Variants in MAPK3 observed in about 807,000 individuals in gnomAD.
MAPK3 encodes the protein mitogen-activated protein kinase 3, also known as MAPK 1.
MAPK3 carries 30 observed loss-of-function variants against 41.8 expected under a neutral mutation model. The ratio of observed to expected loss-of-function variants is 0.72; its 90% CI spans 0.54 to 0.97. MAPK3 has a LOEUF of 0.97. Among genes scored for constraint, MAPK3 ranks in the 50% least tolerant of loss-of-function variants. The pLI, the probability that MAPK3 is intolerant of heterozygous loss-of-function variation, is 0.00. For missense variants in MAPK3, 413 were observed against 509.9 expected, an observed-to-expected ratio of 0.81 and a Z score of 1.83; for synonymous variants, 222 against 213.4, an observed-to-expected ratio of 1.04 and a Z score of -0.35.
In MAPK3 at chr16:30,116,737, C is replaced by CCAGGTAGGTCA; in HGVS notation, c.1070_1071insTGACCTACCTG (p.Lys357AsnfsTer8). 2 of 1,613,944 alleles carry CCAGGTAGGTCA rather than the reference C, an allele frequency of 1.2e-6. No homozygotes were observed. Among genetic ancestry groups the CCAGGTAGGTCA allele is most frequent in the Non-Finnish European group, 1.7e-6 (2 of 1,179,990 alleles). Reference sequence around the variant, plus strand: ...GGAAGATGAGCTCCTTCAGCCGCTCCTTAGGTAGGTCATCCAGCTCCATGG... The same window carrying CCAGGTAGGTCA: ...GGAAGATGAGCTCCTTCAGCCGCTCCCAGGTAGGTCATTAGGTAGGTCATCCAGCTCCATGG... On this transcript the variant is annotated frameshift_variant, in exon 8 of 9. Transcript: ENST00000263025. LOFTEE classifies it high-confidence loss of function.
rs762951234 is a variant in MAPK3 at position 30,116,760 on chromosome 16, T to C, written c.1048A>G (p.Met350Val). ...PVAEEPFTFA[M>V]ELDDLPKERL... ...TCCTTAGGTAGGTCATCCAGCTCCATGGCGAAGGTGAAGGGCTCCTCGGCC... is the reference window on the plus strand; with the variant it reads ...TCCTTAGGTAGGTCATCCAGCTCCACGGCGAAGGTGAAGGGCTCCTCGGCC... Residue 350 changes from methionine (M) to valine (V), a missense_variant, in exon 8 of 9, where the codon ATG becomes GTG. By Grantham distance (21) the Met-to-Val change is conservative. Coordinates refer to ENST00000263025, the MANE Select transcript of MAPK3 (RefSeq NM_002746.3). The C allele has an allele frequency of 6.2e-7, 1 of 1,613,854 alleles. No homozygotes were observed. The highest frequency in any genetic ancestry group is 8.5e-7 in the Non-Finnish European group (1 of 1,179,960).
In MAPK3 at chr16:30,117,382, C is replaced by A. The variant is rs988340935; in HGVS notation, c.776-97G>T. On this transcript the variant is annotated intron_variant, in intron 5 of 8. Transcript: ENST00000263025. ...GAACAAGACCCCCCAGCCCAGCAAC[C>A]CATGCCAATCCCTCAGTCACCTCCT... The A allele has an allele frequency of 3.2e-6, 4 of 1,235,858 alleles. No homozygotes were observed. In the African/African-American group the frequency reaches 6.0e-5, roughly 18 times the overall value. The allele number at this position is 1,235,858 out of a possible 1,614,324, so 76.6% of individuals were successfully genotyped here. A position where few individuals can be genotyped will look rare whatever the true frequency, so the allele number is the denominator to read the frequency against.
rs34799400 is a variant in MAPK3 at position 30,120,682 on chromosome 16, C to CTT, written c.353+1140_353+1141dup. Among the ~76,000 whole-genome samples, 90 of 113,152 alleles carry CTT rather than the reference C, an allele frequency of 8.0e-4. 1 individual carries two copies. The highest frequency in any genetic ancestry group is 2.4e-3 in the African/African-American group (72 of 29,794). The allele number at this position is 113,152 out of a possible 152,430, so 74.2% of individuals were successfully genotyped here. A position where few individuals can be genotyped will look rare whatever the true frequency, so the allele number is the denominator to read the frequency against. ...GTTTTCTGAGCCTTAGCTTCCTCAT[C>CTT]TTTTTTTTTTTTTTTTTTTTTGACA... On this transcript the variant is annotated intron_variant, in intron 2 of 8. Transcript: ENST00000263025.
chr16:30,122,881 A>G, intron 1 of MAPK3, 159 bp downstream of exon 1: 1 of 518,540 alleles, frequency 1.9e-6, no homozygotes, highest in Non-Finnish European at 3.1e-6. Flanking sequence ...GAAAGCACTC[A>G]GGGGCCCCCT....
At position 30,117,181 on chromosome 16, in the gene MAPK3, TG is replaced by T; in HGVS notation, c.879del (p.Lys294SerfsTer18). On this transcript the variant is annotated frameshift_variant, in exon 6 of 9. Transcript: ENST00000263025. LOFTEE classifies it high-confidence loss of function. ...TTGGAGTCTGACTTGGGGAAAAGCT[TG>T]GCCCAAGCCACCTTGGTCTTGGAGG... ...SLPSKTKVAW[A>X]KLFPKSDSKA... The T allele has an allele frequency of 6.2e-7, 1 of 1,614,112 alleles. No individual in the cohort carries two copies. The highest frequency in any genetic ancestry group is 2.2e-5 in the East Asian group (1 of 44,884).
At chr16:30,116,864 C>T (rs572784198) in intron 7 of MAPK3, 30 bp downstream of exon 7, 1 of 1,613,554 alleles carries the variant, frequency 6.2e-7, no homozygotes, top group South Asian at 1.1e-5. Flanking sequence ...CCCCTGCCCC[C>T]AGCCCCACTG....
intron 2 of MAPK3, among the ~76,000 whole-genome samples, chr16:30,121,450 A>C (rs2073014152): frequency 1.3e-5 from 2 of 152,188 alleles, no homozygotes; most frequent in Non-Finnish European, 2.9e-5. Context: ...GGTCTGGGCA[A>C]GGAGGAAAGA....
chr16:30,118,161 A>T lies in MAPK3; in HGVS notation c.546T>A (p.Ile182=). ...CAATCCGGGCCAGGCCGAAATCACA[A>T]ATCTGGAATCAGACCTAGCTGCTAA... The part of the protein sequence containing the change: ...LLINTTCDLK[I]CDFGLARIAD... The change falls in exon 4 of 9, where the codon ATT becomes ATA. Residue 182 remains isoleucine (I), a splice_region_variant and synonymous_variant. Coordinates refer to ENST00000263025, the MANE Select transcript of MAPK3 (RefSeq NM_002746.3). 6.2e-7 allele frequency: 1 copy of T among 1,613,734 alleles called. No individual in the cohort carries two copies. The highest frequency in any genetic ancestry group is 8.5e-7 in the Non-Finnish European group (1 of 1,179,846).
chr16:30,117,979 C>A, intron 4 of MAPK3, 68 bp downstream of exon 4: 2 of 1,428,922 alleles, frequency 1.4e-6, no homozygotes, highest in Non-Finnish European at 9.9e-7. Flanking sequence ...CAGTGTCTGG[C>A]TCAGAGGTAG....
At position 30,118,113 on chromosome 16, in the gene MAPK3, G is replaced by A. The variant is rs542338052; in HGVS notation, c.594C>T (p.Thr198=). ...ARIADPEHDH[T]GFLTEYVATR... is the part of the protein sequence containing the mutation. The stretch of plus-strand genomic sequence containing the variant: ...TAGCCACATACTCCGTCAGGAAGCC[G>A]GTGTGGTCATGCTCAGGATCGGCAA... The change falls in exon 4 of 9, where the codon ACC becomes ACT. Residue 198 remains threonine, a synonymous_variant. Transcript: ENST00000263025. 2.7e-5 allele frequency: 44 copies of A among 1,614,134 alleles called. No individual in the cohort carries two copies. The highest frequency in any genetic ancestry group is 9.9e-5 in the South Asian group (9 of 91,086).
chr16:30,121,448 C>A (rs959900647), intron 2 of MAPK3, among the ~76,000 whole-genome samples: 3 of 152,170 alleles, frequency 2.0e-5, no homozygotes, highest in African/African-American at 7.2e-5. Flanking sequence ...CCGGTCTGGG[C>A]AAGGAGGAAA....
chr16:30,117,095 T>A (rs1348581650), intron 6 of MAPK3, 59 bp downstream of exon 6: 1 of 1,606,886 alleles, frequency 6.2e-7, no homozygotes, highest in African/African-American at 1.3e-5. Flanking sequence ...GCTGCTGGGC[T>A]CACACACCCT....
chr16:30,120,925 C>T (rs1196916056), intron 2 of MAPK3, among the ~76,000 whole-genome samples: 1 of 151,850 alleles, frequency 6.6e-6, no homozygotes, highest in African/African-American at 2.4e-5. Context: ...CTCCAGTGAT[C>T]CTCTGGTCTT....
intron 1 of MAPK3, chr16:30,122,743 G>A: frequency 3.2e-6 from 1 of 310,384 alleles, no homozygotes; most frequent in Non-Finnish European, 5.9e-6. Flanking sequence ...TCTGGGCCTC[G>A]CCCCGTGTCA....
At position 30,117,416 on chromosome 16, in the gene MAPK3, G is replaced by C. The variant is rs2072967870; in HGVS notation, c.776-131C>G. 5 of 939,010 alleles carry C rather than the reference G, an allele frequency of 5.3e-6. No homozygotes were observed. The South Asian group carries it at 6.3e-5, about 12-fold the overall frequency. The allele number at this position is 939,010 out of a possible 1,614,324, so 58.2% of individuals were successfully genotyped here. On this transcript the variant is annotated intron_variant, in intron 5 of 8. Transcript: ENST00000263025. ...TCCCTCAGTCACCTCCTAGTCATTA[G>C]CATGGTGGTGCAGAGCAAGGGGGCT... is the stretch of plus-strand genomic sequence containing the variant.
Sources: allele counts gnomAD v4.1 joint callset (sites outside exome capture counted in the v4.1 genomes callset), GRCh38; gene constraint gnomAD v4.1.1; transcripts MANE v1.5; gene names NCBI Gene and HGNC (gene_info 2026-07-23, HGNC 2026-07-21).